The following ENTREP2 variants were observed in gnomAD, a reference collection of about 807,000 sequenced individuals.
ENTREP2 encodes endosomal transmembrane epsin interactor 2.
the ENTREP2 span, among the ~76,000 whole-genome samples, chr15:29,482,473 T>G: frequency 6.6e-6 from 1 of 152,188 alleles, no homozygotes; most frequent in African/African-American, 2.4e-5. Flanking sequence ...ACAGTTTCAC[T>G]GCTCTCTGTG....
At chr15:29,494,349 C>A in the ENTREP2 span, among the ~76,000 whole-genome samples, 5 of 152,076 alleles carry the variant, frequency 3.3e-5, no homozygotes, top group Non-Finnish European at 7.4e-5. Context: ...TGCCAAAATA[C>A]GTTAAAATGT....
the ENTREP2 span, among the ~76,000 whole-genome samples, chr15:29,631,977 G>T: frequency 6.6e-6 from 1 of 152,172 alleles, no homozygotes; most frequent in African/African-American, 2.4e-5. Flanking sequence ...GAGTTGCTAA[G>T]GTGTGCACTT....
the ENTREP2 span, among the ~76,000 whole-genome samples, chr15:29,257,074 ATTTATTTAT>A: frequency 6.3e-3 from 941 of 149,742 alleles, 12 homozygotes; most frequent in African/African-American, 0.022. Context: ...TTATTTATTT[ATTTATTTAT>A]TTATCTTGAG....
the ENTREP2 span, among the ~76,000 whole-genome samples, chr15:29,460,358 C>T: frequency 2.0e-5 from 3 of 152,118 alleles, no homozygotes; most frequent in African/African-American, 4.8e-5. Context: ...TGCCTGGGTG[C>T]GGTGGCTCAT....
At chr15:29,291,458 A>C in the ENTREP2 span, among the ~76,000 whole-genome samples, 1 of 152,144 alleles carries the variant, frequency 6.6e-6, no homozygotes, top group Non-Finnish European at 1.5e-5. Context: ...CACAGACTGT[A>C]AACCAGTGCT....
chr15:29,412,242 T>C, the ENTREP2 span, among the ~76,000 whole-genome samples: 1 of 152,206 alleles, frequency 6.6e-6, no homozygotes. Context: ...AGGTTTTATT[T>C]AATGTCTTTC....
the ENTREP2 span, among the ~76,000 whole-genome samples, chr15:29,415,382 C>T: frequency 1.3e-5 from 2 of 152,156 alleles, no homozygotes; most frequent in Non-Finnish European, 2.9e-5. Context: ...AGCATATAAA[C>T]AGAACCAAAG....
chr15:29,286,853 T>C, the ENTREP2 span, among the ~76,000 whole-genome samples: 213 of 152,354 alleles, frequency 1.4e-3, 1 homozygote, highest in African/African-American at 5.0e-3. Flanking sequence ...CATGAGATAA[T>C]AGTCTTTGCT....
the ENTREP2 span, among the ~76,000 whole-genome samples, chr15:29,401,809 GGTA>G: frequency 1.3e-5 from 2 of 152,248 alleles, no homozygotes; most frequent in Admixed American, 1.3e-4. Flanking sequence ...TAAAGTTTGA[GGTA>G]GATCTATTTA....
the ENTREP2 span, among the ~76,000 whole-genome samples, chr15:29,219,119 AAAAC>A: frequency 6.6e-6 from 1 of 152,154 alleles, no homozygotes; most frequent in Non-Finnish European, 1.5e-5. Flanking sequence ...TAAGAAAAAA[AAAAC>A]AAACAATCCC....
At chr15:29,571,352 C>T in the ENTREP2 span, among the ~76,000 whole-genome samples, 1 of 151,646 alleles carries the variant, frequency 6.6e-6, no homozygotes, top group African/African-American at 2.4e-5. Flanking sequence ...AGCCTGGGGA[C>T]GGCTCGGGAT....
the ENTREP2 span, among the ~76,000 whole-genome samples, chr15:29,224,167 A>T: frequency 6.6e-6 from 1 of 152,028 alleles, no homozygotes; most frequent in Non-Finnish European, 1.5e-5. Flanking sequence ...TCAGCAGTGA[A>T]GCTACAGACC....
the ENTREP2 span, among the ~76,000 whole-genome samples, chr15:29,130,515 A>G: frequency 6.6e-6 from 1 of 152,192 alleles, no homozygotes; most frequent in African/African-American, 2.4e-5. Flanking sequence ...TGGTTAACTT[A>G]GAACTCCGCT....
chr15:29,489,248 T>A, the ENTREP2 span, among the ~76,000 whole-genome samples: 1 of 152,210 alleles, frequency 6.6e-6, no homozygotes, highest in African/African-American at 2.4e-5. Flanking sequence ...CTTCCTTACC[T>A]GCCTGGCCGA....
At chr15:29,583,327 A>G in the ENTREP2 span, among the ~76,000 whole-genome samples, 114 of 152,340 alleles carry the variant, frequency 7.5e-4, no homozygotes, top group African/African-American at 2.5e-3. Context: ...GAACAAGATC[A>G]TGTTCTTTGC....
the ENTREP2 span, among the ~76,000 whole-genome samples, chr15:29,354,048 G>T: frequency 6.6e-6 from 1 of 152,304 alleles, no homozygotes; most frequent in Non-Finnish European, 1.5e-5. Context: ...GCTAGGATTT[G>T]AATCTGTAGA....
the ENTREP2 span, among the ~76,000 whole-genome samples, chr15:29,411,478 T>C: frequency 6.6e-6 from 1 of 152,238 alleles, no homozygotes; most frequent in Non-Finnish European, 1.5e-5. Flanking sequence ...ACCCTACATA[T>C]GCCCACTTCC....
chr15:29,547,282 G>T, the ENTREP2 span, among the ~76,000 whole-genome samples: 1 of 151,478 alleles, frequency 6.6e-6, no homozygotes, highest in Admixed American at 6.6e-5. Flanking sequence ...TAGAGACCGG[G>T]TTTCACCATA....
At chr15:29,269,878 G>C in the ENTREP2 span, 2 of 604,498 alleles carry the variant, frequency 3.3e-6, no homozygotes, top group East Asian at 3.5e-5. Context: ...CGGTGCGCCT[G>C]CGCGGCTGCG....
Sources: gnomAD v4.1 joint callset for allele counts (sites outside exome capture counted in the v4.1 genomes callset) on GRCh38, gnomAD v4.1.1 for gene constraint, MANE v1.5 for transcripts, NCBI Gene and HGNC (gene_info 2026-07-23, HGNC 2026-07-21) for gene names.